The following IQSEC1 variants were observed in gnomAD, a reference collection of about 807,000 sequenced individuals.
IQSEC1 encodes the protein IQ motif and SEC7 domain-containing protein 1.
A neutral mutation model predicts 91.0 loss-of-function variants in IQSEC1; 31 were observed. The observed-to-expected ratio is 0.34, with a 90% CI of 0.26 to 0.46. The LOEUF is 0.46. IQSEC1 is among the 20% of genes least tolerant of loss of function. The pLI is 1.00. For synonymous variants in IQSEC1, 699 were observed against 662.6 expected (o/e 1.05, Z -0.84); for missense variants, 1,388 against 1,575.6 (o/e 0.88, Z 2.02).
chr3:13,130,885 T>C (rs752665030), intron 2 of IQSEC1, among the ~76,000 whole-genome samples: 23 of 148,704 alleles, frequency 1.5e-4, no homozygotes, highest in Non-Finnish European at 3.0e-4. Flanking sequence ...AGACTGAGAA[T>C]TGCTTCCAGC....
At chr3:13,201,895 A>G (rs1179460225) in intron 1 of IQSEC1, among the ~76,000 whole-genome samples, 1 of 152,198 alleles carries the variant, frequency 6.6e-6, no homozygotes, top group South Asian at 2.1e-4. Flanking sequence ...GGCTTTTTGG[A>G]TAGCTTTGTT....
At chr3:13,162,640 ATATACGTACT>A (rs1707197970) in intron 2 of IQSEC1, among the ~76,000 whole-genome samples, 2 of 152,174 alleles carry the variant, frequency 1.3e-5, no homozygotes, top group African/African-American at 4.8e-5. Context: ...TTAAATAAGA[ATATACGTACT>A]TACACCTGCC....
chr3:13,027,130 T>C (rs1413797266), intron 1 of IQSEC1, among the ~76,000 whole-genome samples: 2 of 152,184 alleles, frequency 1.3e-5, no homozygotes, highest in Non-Finnish European at 2.9e-5. Context: ...TCAAGAAGCA[T>C]TGGCCTTTTG....
chr3:12,935,969 C>A lies in IQSEC1; in HGVS notation c.1047G>T (p.Pro349=). ...ADTDTSCRST[P]SLERQEQRLR... ...GCCGCTGCTCCTGCCGCTCCAGCGA[C>A]GGCGTGCTCCGGCAGCTCGTGTCCG... is the stretch of plus-strand genomic sequence containing the variant. Residue 349 remains proline, a synonymous_variant, in exon 3 of 14, where the codon CCG becomes CCT. Transcript: ENST00000613206. The surrounding 1 kb of genome is among the most constrained non-coding windows in gnomAD (Gnocchi z 8.0). 6.3e-7 allele frequency: 1 copy of A among 1,599,058 alleles called. No individual in the cohort carries two copies. Among genetic ancestry groups the A allele is most frequent in the Non-Finnish European group, 8.5e-7 (1 of 1,179,498 alleles).
chr3:12,977,082 A>G (rs1248561395), intron 1 of IQSEC1, among the ~76,000 whole-genome samples: 1 of 152,210 alleles, frequency 6.6e-6, no homozygotes, highest in Non-Finnish European at 1.5e-5. Context: ...CATACCTGTA[A>G]TCCCAGCTGA....
At chr3:13,035,386 T>C (rs1358305979) in intron 1 of IQSEC1, among the ~76,000 whole-genome samples, 1 of 152,200 alleles carries the variant, frequency 6.6e-6, no homozygotes, top group Non-Finnish European at 1.5e-5. Flanking sequence ...CTACGTGGAC[T>C]TGAGAAGTCC....
intron 1 of IQSEC1, among the ~76,000 whole-genome samples, chr3:12,957,642 G>A (rs1467943134): frequency 1.3e-5 from 2 of 152,250 alleles, no homozygotes; most frequent in African/African-American, 2.4e-5. Context: ...ACAGAGAGGA[G>A]GAGACAGATG....
intron 1 of IQSEC1, among the ~76,000 whole-genome samples, chr3:13,046,304 C>T (rs891123240): frequency 7.2e-5 from 11 of 152,224 alleles, no homozygotes; most frequent in South Asian, 2.1e-4. Flanking sequence ...CAGGTGACTG[C>T]GTGAGCGTGT....
intron 1 of IQSEC1, among the ~76,000 whole-genome samples, chr3:12,988,398 G>C (rs1357091029): frequency 6.6e-6 from 1 of 152,262 alleles, no homozygotes; most frequent in South Asian, 2.1e-4. Context: ...CTGGGCGACA[G>C]AGCGAGGCTC....
chr3:13,002,292 A>G (rs1702451789), intron 1 of IQSEC1, among the ~76,000 whole-genome samples: 1 of 152,244 alleles, frequency 6.6e-6, no homozygotes, highest in Non-Finnish European at 1.5e-5. Flanking sequence ...GATTTCTTAG[A>G]TACAACACCA....
At chr3:13,269,287 G>C (rs1035631908) in intron 1 of IQSEC1, among the ~76,000 whole-genome samples, 2 of 152,204 alleles carry the variant, frequency 1.3e-5, no homozygotes, top group Admixed American at 1.3e-4. Flanking sequence ...GGAGAAGGTG[G>C]GACTGAGAAG....
chr3:12,974,558 T>C (rs1390440098), intron 1 of IQSEC1, among the ~76,000 whole-genome samples: 1 of 152,204 alleles, frequency 6.6e-6, no homozygotes, highest in Non-Finnish European at 1.5e-5. Flanking sequence ...GTTATGGGTC[T>C]CTATTCAAGT....
chr3:12,928,258 G>A (rs1024258779), intron 3 of IQSEC1, among the ~76,000 whole-genome samples: 4 of 152,212 alleles, frequency 2.6e-5, no homozygotes, highest in Admixed American at 2.0e-4. Context: ...GTGGAGGTAG[G>A]AGCAAGAAGG....
At chr3:12,946,823 A>G (rs1699212351) in intron 1 of IQSEC1, among the ~76,000 whole-genome samples, 1 of 152,232 alleles carries the variant, frequency 6.6e-6, no homozygotes, top group Non-Finnish European at 1.5e-5. Flanking sequence ...GACACAGCAG[A>G]AGACAGTGTC....
rs993875696 is a variant in IQSEC1 at position 12,994,607 on chromosome 3, C to T, written c.24-52742G>A. On this transcript the variant is annotated intron_variant, in intron 1 of 13. Coordinates refer to ENST00000613206, the MANE Select transcript of IQSEC1 (RefSeq NM_001134382.3). This position sits in a 1 kb window ranked among gnomAD's most constrained non-coding sequence, Gnocchi z 4.5. ...GCTCCTCCGAGGGAAAGCTGCAGCCCCGGCCGAAACGCCCCACCCCCGCCG... is the reference window on the plus strand; with the variant it reads ...GCTCCTCCGAGGGAAAGCTGCAGCCTCGGCCGAAACGCCCCACCCCCGCCG... Among the ~76,000 whole-genome samples, 2 of 152,186 alleles carry T rather than the reference C, an allele frequency of 1.3e-5. No individual in the cohort carries two copies. Among genetic ancestry groups the T allele is most frequent in the African/African-American group, 4.8e-5 (2 of 41,440 alleles).
At chr3:13,087,154 T>G (rs1450276440) in intron 2 of IQSEC1, among the ~76,000 whole-genome samples, 1 of 151,292 alleles carries the variant, frequency 6.6e-6, no homozygotes, top group Non-Finnish European at 1.5e-5. Context: ...TCCTACAGTC[T>G]AAATCTACAC....
Position 12,899,572 on chromosome 3 carries a change from T to C in IQSEC1, c.*1411A>G. ...GTCATGTGATGCCCTGGCAGCTCAC[T>C]GGACCATGGGAAGGCAGCGGGGGCT... On this transcript the variant is annotated 3_prime_UTR_variant, in exon 14 of 14. Coordinates refer to ENST00000613206, the MANE Select transcript of IQSEC1 (RefSeq NM_001134382.3). 1 of 1,482,178 alleles carries C rather than the reference T, an allele frequency of 6.7e-7. No individual in the cohort carries two copies. Among genetic ancestry groups the C allele is most frequent in the Admixed American group, 2.3e-5 (1 of 42,594 alleles). 91.8% of individuals were successfully genotyped at this position (1,482,178 alleles called of 1,614,324 possible). A position where few individuals can be genotyped will look rare whatever the true frequency, so the allele number is the denominator to read the frequency against.
In IQSEC1 at chr3:12,898,690, G is replaced by A. The variant is rs1477869337; in HGVS notation, c.*2293C>T. 6.6e-6 allele frequency: 1 copy of A among 152,290 alleles called. No homozygotes were observed. The highest frequency in any genetic ancestry group is 2.4e-5 in the African/African-American group (1 of 41,454). 9.4% of individuals were successfully genotyped at this position (152,290 alleles called of 1,614,324 possible). A position where few individuals can be genotyped will look rare whatever the true frequency, so the allele number is the denominator to read the frequency against. On this transcript the variant is annotated 3_prime_UTR_variant, in exon 14 of 14. Transcript: ENST00000613206. ...AGACTCTCCTCCCAGCACAGAAGAG[G>A]GTGAGAAAAGCTGACATACTCAATA...
chr3:13,070,884 G>A (rs990116336), intron 1 of IQSEC1, among the ~76,000 whole-genome samples: 30 of 152,344 alleles, frequency 2.0e-4, no homozygotes, highest in African/African-American at 6.7e-4. Flanking sequence ...CCAGAGCCAC[G>A]TGTTCAAATG....
Sources: gnomAD v4.1 joint callset for allele counts (sites outside exome capture counted in the v4.1 genomes callset) on GRCh38, gnomAD v4.1.1 for gene constraint, Gnocchi (gnomAD v3.1) non-coding constraint, MANE v1.5 for transcripts, NCBI Gene and HGNC (gene_info 2026-07-23, HGNC 2026-07-21) for gene names.